The following ARGFX variants were observed in gnomAD, a reference collection of about 807,000 sequenced individuals.
ARGFX encodes arginine-fifty homeobox.
ARGFX carries 10 observed loss-of-function variants against 8.0 expected under a neutral mutation model. The ratio of observed to expected loss-of-function variants is 1.25; its 90% CI spans 0.77 to 2.12. The LOEUF (loss-of-function observed/expected upper bound fraction) is 2.12. ARGFX is among the 30% of genes most tolerant of loss of function. The pLI, the probability that ARGFX is intolerant of heterozygous loss-of-function variation, is 0.00. For missense variants in ARGFX, 282 were observed against 324.3 expected, an observed-to-expected ratio of 0.87 and a Z score of 1.00; for synonymous variants, 116 against 117.8, an observed-to-expected ratio of 0.98 and a Z score of 0.10.
At position 121,585,082 on chromosome 3, in the gene ARGFX, T is replaced by C. The variant is rs1335042913; in HGVS notation, c.369+17T>C. 1 of 1,612,748 alleles carries C rather than the reference T, an allele frequency of 6.2e-7. No individual in the cohort carries two copies. The highest frequency in any genetic ancestry group is 2.2e-5 in the East Asian group (1 of 44,844). ...ACAGTAAAGGTCTGATCCCCTGTGG[T>C]GTGCTTGGTACCCCCATCCAAGCCA... On this transcript the variant is annotated intron_variant, in intron 4 of 4. Transcript: ENST00000334384.
rs1290984675 is a variant in ARGFX, at chr3:121,586,976, A to G, written c.*376A>G. Among the ~76,000 whole-genome samples, 2 of 151,424 alleles carry G rather than the reference A, an allele frequency of 1.3e-5. No individual in the cohort carries two copies. Among genetic ancestry groups the G allele is most frequent in the East Asian group, 3.9e-4 (2 of 5,170 alleles). On this transcript the variant is annotated 3_prime_UTR_variant, in exon 5 of 5. Coordinates refer to ENST00000334384, the MANE Select transcript of ARGFX (RefSeq NM_001012659.2). ...ACAGTCACGGCTCACAAAAGCCTTG[A>G]CCTCCTGGGCTCAGGTGATCCTCCC...
At chr3:121,573,720 T>C (rs1429561285) in intron 2 of ARGFX, among the ~76,000 whole-genome samples, 2 of 151,274 alleles carry the variant, frequency 1.3e-5, no homozygotes. Context: ...TGGTGGTGCA[T>C]GCCTGTAATC....
intron 3 of ARGFX, among the ~76,000 whole-genome samples, chr3:121,584,277 A>AAGAGC (rs1489219314): frequency 6.6e-6 from 1 of 152,020 alleles, no homozygotes; most frequent in East Asian, 1.9e-4. Flanking sequence ...GAAAGAAAAG[A>AAGAGC]AGAGCAAAGC....
chr3:121,570,809 T>C lies in ARGFX; in HGVS notation c.96T>C (p.Ala32=). The C allele has an allele frequency of 1.3e-6, 2 of 1,599,774 alleles. No individual in the cohort carries two copies. The highest frequency in any genetic ancestry group is 8.5e-7 in the Non-Finnish European group (1 of 1,172,904). Residue 32 remains alanine, a synonymous_variant, in exon 2 of 5, where the codon GCT becomes GCC. Transcript: ENST00000334384. ...AGGTGATACCACCACAGGATCCAGC[T>C]AGTCCCAGTGAGTATCATCCTTCTT... ...NMKVIPPQDP[A]SPSFTLLSKL...
chr3:121,589,844 G>A lies in ARGFX; in HGVS notation c.*3244G>A, dbSNP rs2048835130. ...CTTAAGAAAACTTCACTAATATATAGTCATAATGTGGTATATTCATAGAAC... is the reference window on the plus strand; with the variant it reads ...CTTAAGAAAACTTCACTAATATATAATCATAATGTGGTATATTCATAGAAC... On this transcript the variant is annotated 3_prime_UTR_variant, in exon 5 of 5. Transcript: ENST00000334384. Among the ~76,000 whole-genome samples the A allele has an allele frequency of 6.6e-6, 1 of 152,030 alleles. No homozygotes were observed. The highest frequency in any genetic ancestry group is 1.5e-5 in the Non-Finnish European group (1 of 68,028).
chr3:121,576,950 TCCA>T (rs1576442006), intron 3 of ARGFX, 50 bp downstream of exon 3: 10 of 218,372 alleles, frequency 4.6e-5, no homozygotes, highest in Middle Eastern at 5.0e-4. Flanking sequence ...CACCATGTGG[TCCA>T]GACTGTTCTC....
At chr3:121,574,517 A>G (rs951716878) in intron 2 of ARGFX, among the ~76,000 whole-genome samples, 3 of 152,228 alleles carry the variant, frequency 2.0e-5, no homozygotes, top group African/African-American at 4.8e-5. Flanking sequence ...TGAGCATGCA[A>G]CTTAGATCCC....
chr3:121,585,914 A>G, intron 4 of ARGFX, 108 bp from the exon 5 acceptor site: 1 of 1,067,998 alleles, frequency 9.4e-7, no homozygotes, highest in Non-Finnish European at 1.4e-6. Flanking sequence ...TGTCATGGTG[A>G]ATTAGAGAGG....
chr3:121,577,965 T>C (rs1489460522), intron 3 of ARGFX, among the ~76,000 whole-genome samples: 1 of 151,882 alleles, frequency 6.6e-6, no homozygotes, highest in Non-Finnish European at 1.5e-5. Context: ...TTTGTATTTT[T>C]GGTAGAGACA....
rs569693388 is a variant in ARGFX, at chr3:121,587,833, A to G, written c.*1233A>G. On this transcript the variant is annotated 3_prime_UTR_variant, in exon 5 of 5. Transcript: ENST00000334384. ...GCCACCATGTCTGGCTAATTTTTGT[A>G]TTTTTAGTGGAGATGGGGTTTCGCC... Among the ~76,000 whole-genome samples the G allele has an allele frequency of 4.0e-4, 60 of 150,892 alleles. No individual in the cohort carries two copies. The highest frequency in any genetic ancestry group is 1.4e-3 in the African/African-American group (57 of 41,086).
intron 3 of ARGFX, among the ~76,000 whole-genome samples, chr3:121,583,850 A>T (rs972868592): frequency 1.3e-5 from 2 of 151,990 alleles, no homozygotes; most frequent in African/African-American, 4.8e-5. Flanking sequence ...TTTTCCCCAA[A>T]GTAGTGAATA....
chr3:121,577,060 A>G (rs2048742771), intron 3 of ARGFX, among the ~76,000 whole-genome samples, 160 bp downstream of exon 3: 1 of 151,524 alleles, frequency 6.6e-6, no homozygotes, highest in African/African-American at 2.4e-5. Context: ...GACCATTTCT[A>G]TCAGTTCCAT....
At chr3:121,568,698 T>C (rs1054442050) in intron 1 of ARGFX, among the ~76,000 whole-genome samples, 8 of 152,220 alleles carry the variant, frequency 5.3e-5, no homozygotes, top group African/African-American at 1.7e-4. Flanking sequence ...ATAATAATTG[T>C]CCATTACCCC....
intron 3 of ARGFX, 66 bp downstream of exon 3, chr3:121,576,966 A>C: frequency 6.1e-6 from 1 of 163,188 alleles, no homozygotes; most frequent in South Asian, 1.4e-4. Context: ...CTGTTCTCAA[A>C]CTCCTAAGAC....
rs768955889 is a variant in ARGFX, at chr3:121,586,326, A to G, written c.674A>G (p.Tyr225Cys). The G allele has an allele frequency of 3.7e-6, 6 of 1,614,236 alleles. No homozygotes were observed. The highest frequency in any genetic ancestry group is 4.2e-6 in the Non-Finnish European group (5 of 1,180,052). The change falls in exon 5 of 5, where the codon TAT (tyrosine) becomes TGT (cysteine). Residue 225 changes from tyrosine to cysteine, a missense_variant. Physicochemically the swap from Tyr to Cys is radical, Grantham distance 194. Coordinates refer to ENST00000334384, the MANE Select transcript of ARGFX (RefSeq NM_001012659.2). Reference sequence around the variant, plus strand: ...GTTCCTGCTTTGTACTCTGATGCCTATGACATATTCCAAATCATAGAACTG... The same window carrying G: ...GTTCCTGCTTTGTACTCTGATGCCTGTGACATATTCCAAATCATAGAACTG... ...ASVPALYSDA[Y>C]DIFQIIELYN...
chr3:121,575,909 T>C (rs1322323530), intron 2 of ARGFX, among the ~76,000 whole-genome samples: 1 of 103,530 alleles, frequency 9.7e-6, no homozygotes, highest in African/African-American at 3.4e-5. Context: ...TGAGACTCTG[T>C]CTCAAACATT....
Position 121,590,433 on chromosome 3 carries a change from C to T in ARGFX, c.*3833C>T, listed in dbSNP as rs2048837340. ...ATAAAAGGATGAGTTCGGCCTTCTTCTTCCCCAAAATCTTTATCCCCACCC... is the reference window on the plus strand; with the variant it reads ...ATAAAAGGATGAGTTCGGCCTTCTTTTTCCCCAAAATCTTTATCCCCACCC... On this transcript the variant is annotated 3_prime_UTR_variant, in exon 5 of 5. Transcript: ENST00000334384. Among the ~76,000 whole-genome samples, 1 of 152,112 alleles carries T rather than the reference C, an allele frequency of 6.6e-6. No individual in the cohort carries two copies. The highest frequency in any genetic ancestry group is 6.6e-5 in the Admixed American group (1 of 15,258).
chr3:121,587,966 T>C lies in ARGFX; in HGVS notation c.*1366T>C, dbSNP rs200632755. Among the ~76,000 whole-genome samples the C allele has an allele frequency of 1.8e-3, 85 of 47,588 alleles. No individual in the cohort carries two copies. Among genetic ancestry groups the C allele is most frequent in the Admixed American group, 4.5e-3 (31 of 6,886 alleles). 31.2% of individuals were successfully genotyped at this position (47,588 alleles called of 152,430 possible). On this transcript the variant is annotated 3_prime_UTR_variant, in exon 5 of 5. Coordinates refer to ENST00000334384, the MANE Select transcript of ARGFX (RefSeq NM_001012659.2). ...TTAATATAGTACAATGAAAAAATAA[T>C]ATATATATATATAGTACAATGGTCC...
At chr3:121,578,117 C>A (rs566114777) in intron 3 of ARGFX, among the ~76,000 whole-genome samples, 20 of 133,272 alleles carry the variant, frequency 1.5e-4, no homozygotes, top group Admixed American at 1.0e-3. Flanking sequence ...TCCCCCTACC[C>A]CACTTTTTTT....
Sources: gnomAD v4.1 joint callset for allele counts (sites outside exome capture counted in the v4.1 genomes callset) on GRCh38, gnomAD v4.1.1 for gene constraint, MANE v1.5 for transcripts, NCBI Gene and HGNC (gene_info 2026-07-23, HGNC 2026-07-21) for gene names.